The following PPP2R2C variants were observed in gnomAD, a reference collection of about 807,000 sequenced individuals.
The protein encoded by PPP2R2C is protein phosphatase 2 regulatory subunit Bgamma.
PPP2R2C carries 10 observed loss-of-function variants against 45.3 expected under a neutral mutation model. The observed-to-expected ratio is 0.22, with a 90% CI of 0.14 to 0.37. The LOEUF is 0.37. Among genes scored for constraint, PPP2R2C ranks in the 10% least tolerant of loss-of-function variants. PPP2R2C has a pLI of 1.00. For synonymous variants in PPP2R2C, 257 were observed against 245.4 expected, an observed-to-expected ratio of 1.05 and a Z score of -0.44; for missense variants, 308 against 619.7, an observed-to-expected ratio of 0.50 and a Z score of 5.34.
chr4:6,350,551 A>C (rs1712453251), intron 5 of PPP2R2C: 1 of 985,238 alleles, frequency 1.0e-6, no homozygotes, highest in Non-Finnish European at 1.2e-6. Flanking sequence ...CAGGACACTC[A>C]TTCTCGTTGT....
At position 6,324,892 on chromosome 4, in the gene PPP2R2C, C is replaced by T. The variant is rs1305784381; in HGVS notation, c.1053-1299G>A. On this transcript the variant is annotated intron_variant, in intron 8 of 8. Transcript: ENST00000382599. The surrounding 1 kb of genome is among the most constrained non-coding windows in gnomAD (Gnocchi z 4.1). ...GGAGCAGCTGTGAGGTGCAAGGTAA[C>T]TGGGGAGGAAGAGGATGTTACGAAA... 6.6e-6 allele frequency among the ~76,000 whole-genome samples: 1 copy of T among 152,168 alleles called. No homozygotes were observed. The highest frequency in any genetic ancestry group is 1.5e-5 in the Non-Finnish European group (1 of 68,024).
chr4:6,339,583 T>G (rs1733285432), intron 6 of PPP2R2C, among the ~76,000 whole-genome samples: 1 of 152,196 alleles, frequency 6.6e-6, no homozygotes, highest in African/African-American at 2.4e-5. Flanking sequence ...CCTCTGGGGC[T>G]GGGGTGGAGG....
chr4:6,327,770 C>T (rs1732075177), intron 8 of PPP2R2C, among the ~76,000 whole-genome samples: 1 of 152,120 alleles, frequency 6.6e-6, no homozygotes, highest in Non-Finnish European at 1.5e-5. Context: ...TTCTAAGCAT[C>T]CTTTAGTGGC....
Position 6,384,603 on chromosome 4 carries a change from T to C in PPP2R2C, c.71-3509A>G, listed in dbSNP as rs924053149. 5.1e-6 allele frequency: 5 copies of C among 985,244 alleles called. No homozygotes were observed. The African/African-American group carries it at 8.7e-5, about 17-fold the overall frequency. 61.0% of individuals were successfully genotyped at this position (985,244 alleles called of 1,614,324 possible). On this transcript the variant is annotated intron_variant, in intron 1 of 8. Transcript: ENST00000382599. ...GTATATTATTTTTATGATGGGAACA[T>C]AACAATGCTATTAAATTAAAATGCC...
Position 6,534,995 on chromosome 4 carries a change from G to A in PPP2R2C, c.49+276C>T, listed in dbSNP as rs745747925. On this transcript the variant is annotated intron_variant, in intron 2 of 9. Transcript: ENST00000506140. ...CCCAGCTGCCTGACAAAGTGACCCT[G>A]CCACAGTCCACAAGGAGGTGGCGCA... 1.6e-3 allele frequency among the ~76,000 whole-genome samples: 241 copies of A among 152,348 alleles called. 3 individuals are homozygous for A. Among genetic ancestry groups the A allele is most frequent in the Non-Finnish European group, 1.7e-3 (119 of 68,028 alleles).
At chr4:6,416,136 T>C (rs1030994670) in intron 1 of PPP2R2C, among the ~76,000 whole-genome samples, 7 of 83,722 alleles carry the variant, frequency 8.4e-5, no homozygotes, top group Non-Finnish European at 1.6e-4. Flanking sequence ...AAAAACAACC[T>C]ACTCCTCTAC....
At chr4:6,454,399 G>A (rs1034986963) in intron 1 of PPP2R2C, among the ~76,000 whole-genome samples, 2 of 152,188 alleles carry the variant, frequency 1.3e-5, no homozygotes, top group African/African-American at 4.8e-5. Context: ...GGGCCAAGCA[G>A]CTTCCACCTG....
Position 6,563,148 on chromosome 4 carries a change from G to A in PPP2R2C, c.-59+412C>T, listed in dbSNP as rs1725636695. ...GGACCCCGCGCCCGCACCTTCAGCC[G>A]GGCAGCGAGGGGGGGCTCGAGCGCG... is the stretch of plus-strand genomic sequence containing the variant. On this transcript the variant is annotated intron_variant, in intron 1 of 9. Coordinates refer to the PPP2R2C transcript ENST00000506140. The surrounding 1 kb of genome is among the most constrained non-coding windows in gnomAD (Gnocchi z 5.8). 6.6e-6 allele frequency among the ~76,000 whole-genome samples: 1 copy of A among 152,170 alleles called. No individual in the cohort carries two copies. The highest frequency in any genetic ancestry group is 2.1e-4 in the South Asian group (1 of 4,830).
At chr4:6,433,601 C>A (rs1395577178) in intron 1 of PPP2R2C, among the ~76,000 whole-genome samples, 2 of 152,204 alleles carry the variant, frequency 1.3e-5, no homozygotes, top group Non-Finnish European at 2.9e-5. Flanking sequence ...TCATCCCCCC[C>A]ATTGGGCCAA....
intron 1 of PPP2R2C, among the ~76,000 whole-genome samples, chr4:6,554,979 A>AGAGAAGAGAAGAGAAGAGAAGAG (rs1560620534): frequency 8.0e-6 from 1 of 125,586 alleles, no homozygotes; most frequent in Non-Finnish European, 1.7e-5. Context: ...GAAAGAAAGA[A>AGAGAAGAGAAGAGAAGAGAAGAG]AAGAGAAGAG....
In PPP2R2C at chr4:6,437,819, T is replaced by C. The variant is rs533907631; in HGVS notation, c.70+34341A>G. 1.5e-3 allele frequency among the ~76,000 whole-genome samples: 223 copies of C among 152,344 alleles called. 1 individual carries two copies. Among genetic ancestry groups the C allele is most frequent in the African/African-American group, 5.2e-3 (217 of 41,566 alleles). On this transcript the variant is annotated intron_variant, in intron 1 of 8. Transcript: ENST00000382599. ...GTGTGTTCTTTCAGACCTAATCTCATTCAATCCTCAACACCCCTGTGTAGA... is the reference window on the plus strand; with the variant it reads ...GTGTGTTCTTTCAGACCTAATCTCACTCAATCCTCAACACCCCTGTGTAGA...
chr4:6,336,533 G>C (rs1277657446), intron 6 of PPP2R2C, among the ~76,000 whole-genome samples: 1 of 151,876 alleles, frequency 6.6e-6, no homozygotes, highest in Non-Finnish European at 1.5e-5. Context: ...GTTGCAGCCA[G>C]GCCTGGCACC....
chr4:6,387,284 A>G (rs2048593122), intron 1 of PPP2R2C, among the ~76,000 whole-genome samples: 3 of 152,168 alleles, frequency 2.0e-5, no homozygotes, highest in Admixed American at 2.0e-4. Flanking sequence ...CACAAGGAAA[A>G]TTATACCCAG....
At chr4:6,530,518 C>T (rs1163642871) in intron 2 of PPP2R2C, among the ~76,000 whole-genome samples, 1 of 151,124 alleles carries the variant, frequency 6.6e-6, no homozygotes, top group Admixed American at 6.6e-5. Context: ...GTTAAGCCCT[C>T]CGTGGCTGTG....
At chr4:6,483,145 T>TAGATAGATAGATA (rs376482565) in intron 2 of PPP2R2C, among the ~76,000 whole-genome samples, 7 of 103,514 alleles carry the variant, frequency 6.8e-5, no homozygotes, top group South Asian at 2.6e-4. Context: ...ATAGATAGAT[T>TAGATAGATAGATA]GATTGATTGA....
At position 6,368,162 on chromosome 4, in the gene PPP2R2C, G is replaced by C. The variant is rs13115734; in HGVS notation, c.625+4361C>G. 0.79 allele frequency among the ~76,000 whole-genome samples: 120,242 copies of C among 152,066 alleles called. 51,152 individuals are homozygous for C. The highest frequency in any genetic ancestry group is 1 in the East Asian group (5,165 of 5,166). ...TCCCTCACCTGGCTCAGATTCTTTG[G>C]TCAATAATCATTATTTTCACTCTCT... On this transcript the variant is annotated intron_variant, in intron 5 of 8. Coordinates refer to ENST00000382599, the MANE Select transcript of PPP2R2C (RefSeq NM_020416.4). This position sits in a 1 kb window ranked among gnomAD's most constrained non-coding sequence, Gnocchi z 4.2.
At chr4:6,346,283 C>A (rs1711913796) in intron 6 of PPP2R2C, among the ~76,000 whole-genome samples, 1 of 152,194 alleles carries the variant, frequency 6.6e-6, no homozygotes, top group African/African-American at 2.4e-5. Context: ...TCAGCCAGAA[C>A]AAAACCCAGT....
intron 1 of PPP2R2C, among the ~76,000 whole-genome samples, chr4:6,421,677 C>A (rs1286605500): frequency 6.6e-6 from 1 of 151,496 alleles, no homozygotes; most frequent in Non-Finnish European, 1.5e-5. Flanking sequence ...GGAGAGGGCA[C>A]GTGGCATAGG....
chr4:6,512,374 G>A (rs1278855412), intron 2 of PPP2R2C, among the ~76,000 whole-genome samples: 7 of 105,420 alleles, frequency 6.6e-5, no homozygotes, highest in African/African-American at 1.7e-4. Flanking sequence ...GGTGGTGGTG[G>A]TGGTGGTGGT....
Sources: allele counts gnomAD v4.1 joint callset (sites outside exome capture counted in the v4.1 genomes callset), GRCh38; gene constraint gnomAD v4.1.1; non-coding constraint Gnocchi (gnomAD v3.1); transcripts MANE v1.5; gene names NCBI Gene and HGNC (gene_info 2026-07-23, HGNC 2026-07-21).